NCS1: variants seen among roughly 807,000 people sequenced by gnomAD.
The protein encoded by NCS1 is neuronal calcium sensor 1.
Under a neutral mutation model 28.4 loss-of-function variants are expected in NCS1, and 6 were observed. That is an observed-to-expected ratio of 0.21 (90% confidence interval 0.12 to 0.42). NCS1 has a LOEUF of 0.42. Among genes scored for constraint, NCS1 ranks in the 10% least tolerant of loss-of-function variants. The pLI is 1.00. For synonymous variants in NCS1, 86 were observed against 99.3 expected (o/e 0.87, Z 0.79); for missense variants, 131 against 241.4 (o/e 0.54, Z 3.03).
At chr9:130,193,196 G>A (rs1380865622) in intron 1 of NCS1, among the ~76,000 whole-genome samples, 2 of 152,222 alleles carry the variant, frequency 1.3e-5, no homozygotes, top group East Asian at 3.9e-4. Flanking sequence ...AGATGGTACC[G>A]AGGGGGCTCT....
intron 2 of NCS1, among the ~76,000 whole-genome samples, chr9:130,202,877 G>T (rs1481376256): frequency 6.6e-6 from 1 of 152,054 alleles, no homozygotes; most frequent in Non-Finnish European, 1.5e-5. Context: ...ACTGCACGTG[G>T]CCTGCCATTG....
At chr9:130,187,894 C>T (rs1461580683) in intron 1 of NCS1, among the ~76,000 whole-genome samples, 1 of 152,194 alleles carries the variant, frequency 6.6e-6, no homozygotes, top group Non-Finnish European at 1.5e-5. Flanking sequence ...GGAGGCCACA[C>T]AGCTTTGTGT....
In NCS1 at chr9:130,222,042, T is replaced by TAAATATATATAC. The variant is rs1833330972; in HGVS notation, c.308-607_308-606insAATATATATACA. Among the ~76,000 whole-genome samples, 2 of 12,330 alleles carry TAAATATATATAC rather than the reference T, an allele frequency of 1.6e-4. 1 individual carries two copies. Among genetic ancestry groups the TAAATATATATAC allele is most frequent in the Admixed American group, 2.3e-3 (2 of 872 alleles). The allele number at this position is 12,330 out of a possible 152,430, so 8.1% of individuals were successfully genotyped here. ...TATACATAAATATAAATTATGTATC[T>TAAATATATATAC]ATAAATATATATACATAAATATAAA... On this transcript the variant is annotated intron_variant, in intron 4 of 7. Coordinates refer to ENST00000372398, the MANE Select transcript of NCS1 (RefSeq NM_014286.4).
chr9:130,188,639 C>T (rs1187445784), intron 1 of NCS1, among the ~76,000 whole-genome samples: 4 of 152,024 alleles, frequency 2.6e-5, no homozygotes, highest in African/African-American at 9.7e-5. Flanking sequence ...AACTCCCGAC[C>T]TCAGGTGATT....
intron 2 of NCS1, among the ~76,000 whole-genome samples, chr9:130,214,919 A>G (rs1312610757): frequency 6.6e-6 from 1 of 152,166 alleles, no homozygotes; most frequent in Non-Finnish European, 1.5e-5. Context: ...CTCTGCAAAG[A>G]CCTTCACTGC....
In NCS1 at chr9:130,225,207, C is replaced by T. The variant is rs148047920; in HGVS notation, c.475-1182C>T. On this transcript the variant is annotated intron_variant, in intron 6 of 7. Transcript: ENST00000372398. ...ACCCTGTCTCAATCAATCAATCGATCAGTCAATCATAGAAATTCCTGTAAC... is the reference window on the plus strand; with the variant it reads ...ACCCTGTCTCAATCAATCAATCGATTAGTCAATCATAGAAATTCCTGTAAC... Among the ~76,000 whole-genome samples, 209 of 152,278 alleles carry T rather than the reference C, an allele frequency of 1.4e-3. 7 individuals are homozygous for T. The East Asian group carries it at 0.037, about 27-fold the overall frequency.
intron 1 of NCS1, chr9:130,200,567 G>A: frequency 1.3e-6 from 2 of 1,551,684 alleles, no homozygotes; most frequent in South Asian, 1.2e-5. Context: ...GGAAGCCAGG[G>A]CCTTCCCTGA....
chr9:130,207,325 G>A (rs1488227948), intron 2 of NCS1, among the ~76,000 whole-genome samples: 4 of 152,218 alleles, frequency 2.6e-5, no homozygotes, highest in Non-Finnish European at 5.9e-5. Flanking sequence ...GGCTCCCTGA[G>A]GTCTCTGACC....
In NCS1 at chr9:130,224,046, C is replaced by A. The variant is rs184103644; in HGVS notation, c.474+887C>A. Among the ~76,000 whole-genome samples, 358 of 151,768 alleles carry A rather than the reference C, an allele frequency of 2.4e-3. 1 individual carries two copies. The highest frequency in any genetic ancestry group is 8.2e-3 in the African/African-American group (340 of 41,440). ...TATTTTTAGTAGAGACGGGATTTCA[C>A]CGTGTTAGCCAGGATGGTCTCGATC... On this transcript the variant is annotated intron_variant, in intron 6 of 7. Coordinates refer to ENST00000372398, the MANE Select transcript of NCS1 (RefSeq NM_014286.4).
In NCS1 at chr9:130,233,363, AAG is replaced by A. The variant is rs1329452263; in HGVS notation, c.*393_*394del. The A allele has an allele frequency of 1.3e-5, 2 of 152,184 alleles. No homozygotes were observed. Among genetic ancestry groups the A allele is most frequent in the South Asian group, 2.1e-4 (1 of 4,822 alleles). The allele number at this position is 152,184 out of a possible 1,614,324, so 9.4% of individuals were successfully genotyped here. ...AAAAAACAACTACCTTCTGTCCTAG[AAG>A]ACACAGACTGACAGATGGGGTGAAG... On this transcript the variant is annotated 3_prime_UTR_variant, in exon 8 of 8. Coordinates refer to ENST00000372398, the MANE Select transcript of NCS1 (RefSeq NM_014286.4). This position sits in a 1 kb window ranked among gnomAD's most constrained non-coding sequence, Gnocchi z 4.8.
At chr9:130,231,358 A>G (rs1833499012) in intron 7 of NCS1, among the ~76,000 whole-genome samples, 1 of 24,932 alleles carries the variant, frequency 4.0e-5, no homozygotes, top group Non-Finnish European at 1.3e-4. Flanking sequence ...TCTCAAAAAA[A>G]AAAAACTTTA....
intron 1 of NCS1, among the ~76,000 whole-genome samples, chr9:130,196,987 G>T (rs1233880820): frequency 6.6e-6 from 1 of 152,160 alleles, no homozygotes; most frequent in African/African-American, 2.4e-5. Context: ...TGCCTTTCCT[G>T]GCCCTGACTT....
rs185740425 is a variant in NCS1, at chr9:130,222,372, C to T, written c.308-278C>T. Among the ~76,000 whole-genome samples, 20 of 151,952 alleles carry T rather than the reference C, an allele frequency of 1.3e-4. No homozygotes were observed. The East Asian group carries it at 1.4e-3, about 10-fold the overall frequency. On this transcript the variant is annotated intron_variant, in intron 4 of 7. Coordinates refer to ENST00000372398, the MANE Select transcript of NCS1 (RefSeq NM_014286.4). Reference sequence around the variant, plus strand: ...TTTGCCATGTTGTCCAGGCTGGTCTCGAACTCCTGGGCTCAAGCAGTCTGC... The same window carrying T: ...TTTGCCATGTTGTCCAGGCTGGTCTTGAACTCCTGGGCTCAAGCAGTCTGC...
At position 130,223,172 on chromosome 9, in the gene NCS1, G is replaced by A; in HGVS notation, c.474+13G>A. On this transcript the variant is annotated intron_variant, in intron 6 of 7. Coordinates refer to ENST00000372398, the MANE Select transcript of NCS1 (RefSeq NM_014286.4). ...CATGATGGATAAGGTGAGGTGGGGG[G>A]GCGGGGCTGGTCCTGGACCAGGGAG... The A allele has an allele frequency of 6.3e-7, 1 of 1,589,202 alleles. No individual in the cohort carries two copies. The highest frequency in any genetic ancestry group is 8.6e-7 in the Non-Finnish European group (1 of 1,157,532).
At chr9:130,182,814 T>C (rs1291810392) in intron 1 of NCS1, among the ~76,000 whole-genome samples, 3 of 152,198 alleles carry the variant, frequency 2.0e-5, no homozygotes, top group Admixed American at 6.5e-5. Flanking sequence ...GAGGACTGAG[T>C]GCCCCTGGCC....
intron 7 of NCS1, among the ~76,000 whole-genome samples, chr9:130,229,772 T>C (rs1833474044): frequency 6.6e-6 from 1 of 152,224 alleles, no homozygotes; most frequent in South Asian, 2.1e-4. Context: ...GGCTGTTCCT[T>C]GTGCCTACGC....
chr9:130,221,413 TAGAGAGAGAG>T (rs782666520), intron 4 of NCS1, among the ~76,000 whole-genome samples: 12 of 57,728 alleles, frequency 2.1e-4, no homozygotes, highest in East Asian at 1.2e-3. Context: ...TATATATATA[TAGAGAGAGAG>T]AGAGAGAGAG....
intron 4 of NCS1, among the ~76,000 whole-genome samples, chr9:130,221,435 G>A (rs972632036): frequency 7.8e-5 from 11 of 140,906 alleles, no homozygotes; most frequent in African/African-American, 2.6e-4. Context: ...GAGAGAGAGA[G>A]AGAGAGAGAG....
rs1564702183 is a variant in NCS1, at chr9:130,181,277, TCTA to T, written c.64+8555_64+8557del. On this transcript the variant is annotated intron_variant, in intron 1 of 7. Transcript: ENST00000372398. The surrounding 1 kb of genome is among the most constrained non-coding windows in gnomAD (Gnocchi z 5.0). Reference sequence around the variant, plus strand: ...ATCTGGGGGTTGGGGATAAGGGACTTCTACTACACAGAGCCGTGTGCGGGGTTA... The same window carrying T: ...ATCTGGGGGTTGGGGATAAGGGACTTCTACACAGAGCCGTGTGCGGGGTTA... Among the ~76,000 whole-genome samples the T allele has an allele frequency of 6.6e-6, 1 of 152,102 alleles. No individual in the cohort carries two copies. The highest frequency in any genetic ancestry group is 1.9e-4 in the East Asian group (1 of 5,178).
Sources: allele counts gnomAD v4.1 joint callset (sites outside exome capture counted in the v4.1 genomes callset), GRCh38; gene constraint gnomAD v4.1.1; non-coding constraint Gnocchi (gnomAD v3.1); transcripts MANE v1.5; gene names NCBI Gene and HGNC (gene_info 2026-07-23, HGNC 2026-07-21).